The following VPS11 variants were observed in gnomAD, a reference collection of about 807,000 sequenced individuals.
The protein encoded by VPS11 is vacuolar protein sorting-associated protein 11 homolog.
VPS11 carries 51 observed loss-of-function variants against 106.8 expected under a neutral mutation model. That is an observed-to-expected ratio of 0.48 (90% CI 0.38 to 0.60). VPS11 has a LOEUF of 0.60. Ranked by LOEUF, VPS11 falls within the 20% of genes least tolerant of loss-of-function variation. The probability of loss-of-function intolerance (pLI) is 0.00; values close to 1 mark genes in which losing one functional copy is unlikely to be tolerated. For missense variants in VPS11, 950 were observed against 1,190.0 expected (o/e 0.80, Z 2.97); for synonymous variants, 453 against 458.7 (o/e 0.99, Z 0.16).
intron 1 of VPS11, 146 bp from the exon 2 acceptor site, chr11:119,069,050 G>A (rs945352127): frequency 1.3e-4 from 67 of 524,382 alleles, no homozygotes; most frequent in Non-Finnish European, 1.9e-4. Context: ...GTGAGTCACC[G>A]CGCCTGGCCT....
At chr11:119,081,428 T>C (rs782619817) in intron 15 of VPS11, 31 bp from the exon 16 acceptor site, 1 of 1,613,686 alleles carries the variant, frequency 6.2e-7, no homozygotes, top group Admixed American at 1.7e-5. Flanking sequence ...TTGATTCTGA[T>C]TCGTATTCCT....
At chr11:119,077,432 G>C in intron 8 of VPS11, 69 bp from the exon 9 acceptor site, 1 of 1,553,036 alleles carries the variant, frequency 6.4e-7, no homozygotes, top group South Asian at 1.2e-5. Flanking sequence ...CTGAAAGTCA[G>C]GTGCCTGTTT....
intron 7 of VPS11, among the ~76,000 whole-genome samples, chr11:119,076,024 G>A (rs1431649886): frequency 2.0e-5 from 3 of 149,382 alleles, no homozygotes; most frequent in Non-Finnish European, 4.4e-5. Flanking sequence ...TCAAGAGATT[G>A]AGACCATCCT....
rs2133640282 is a variant in VPS11 at position 119,068,016 on chromosome 11, C to T, written c.187+6C>T. 8 of 1,597,990 alleles carry T rather than the reference C, an allele frequency of 5.0e-6. No homozygotes were observed. Among genetic ancestry groups the T allele is most frequent in the Non-Finnish European group, 3.4e-6 (4 of 1,168,850 alleles). ...AGGGAGCCTGGTCTTTGGAGATATCCTTCGTTTGGAGCTGTCTTTTCCCTC... is the reference window on the plus strand; with the variant it reads ...AGGGAGCCTGGTCTTTGGAGATATCTTTCGTTTGGAGCTGTCTTTTCCCTC... On this transcript the variant is annotated splice_donor_region_variant and intron_variant, in intron 1 of 15. Transcript: ENST00000621676.
At position 119,073,335 on chromosome 11, in the gene VPS11, A is replaced by T. The variant is rs1212927204; in HGVS notation, c.1022A>T (p.Tyr341Phe). 6.2e-7 allele frequency: 1 copy of T among 1,613,996 alleles called. No individual in the cohort carries two copies. The highest frequency in any genetic ancestry group is 8.5e-7 in the Non-Finnish European group (1 of 1,179,900). The stretch of plus-strand genomic sequence containing the variant: ...GTGCTTGCTGAGTGGGGCTCCCTGT[A>T]CGTGCTGACGCGGGATGGGCGGGTC... Reference protein sequence around the residue: ...VDVLAEWGSLYVLTRDGRVHA... With the variant: ...VDVLAEWGSLFVLTRDGRVHA... Residue 341 changes from tyrosine to phenylalanine, a missense_variant, in exon 6 of 16, where the codon TAC (tyrosine) becomes TTC (phenylalanine). Transcript: ENST00000621676.
In VPS11 at chr11:119,070,530, G is replaced by C. The variant is rs1276282657; in HGVS notation, c.636+133G>C. On this transcript the variant is annotated intron_variant, in intron 4 of 15. Transcript: ENST00000621676. Reference sequence around the variant, plus strand: ...TCATATAATTCGAATCATTTGCCTAGCTTTGTATTTTATTTTTTTGCCTAG... The same window carrying C: ...TCATATAATTCGAATCATTTGCCTACCTTTGTATTTTATTTTTTTGCCTAG... 2.9e-6 allele frequency: 3 copies of C among 1,041,316 alleles called. No homozygotes were observed. In the East Asian group the frequency reaches 8.5e-5, roughly 29 times the overall value. 64.5% of individuals were successfully genotyped at this position (1,041,316 alleles called of 1,614,324 possible).
intron 14 of VPS11, among the ~76,000 whole-genome samples, chr11:119,080,391 G>A (rs782740260): frequency 4.7e-5 from 7 of 148,728 alleles, no homozygotes; most frequent in Admixed American, 1.3e-4. Context: ...TTTTTGAGAC[G>A]AAGTCTCGCT....
At chr11:119,069,368 A>C (rs782116866) in intron 2 of VPS11, 24 bp downstream of exon 2, 6 of 1,613,826 alleles carry the variant, frequency 3.7e-6, no homozygotes, top group Non-Finnish European at 4.2e-6. Context: ...GGGAAATGGG[A>C]AAGATCCAGA....
At chr11:119,073,549 C>A in intron 6 of VPS11, 150 bp downstream of exon 6, 2 of 1,069,684 alleles carry the variant, frequency 1.9e-6, no homozygotes, top group Non-Finnish European at 2.6e-6. Context: ...AGGTAAATGG[C>A]CTGGGATGGG....
At chr11:119,074,035 G>C in intron 7 of VPS11, 84 bp downstream of exon 7, 1 of 1,464,738 alleles carries the variant, frequency 6.8e-7, no homozygotes, top group Non-Finnish European at 9.2e-7. Flanking sequence ...GCTCCAGGTA[G>C]GGGCTAGAAT....
intron 6 of VPS11, 113 bp downstream of exon 6, chr11:119,073,512 A>T: frequency 7.6e-7 from 1 of 1,310,542 alleles, no homozygotes; most frequent in Non-Finnish European, 1.0e-6. Flanking sequence ...TCACAGCCTT[A>T]CTCAGCTTCC....
chr11:119,077,604 C>T lies in VPS11; in HGVS notation c.1529C>T (p.Ala510Val), dbSNP rs782596906. 1.1e-5 allele frequency: 17 copies of T among 1,612,470 alleles called. No individual in the cohort carries two copies. The highest frequency in any genetic ancestry group is 1.3e-5 in the Non-Finnish European group (15 of 1,179,188). Residue 510 changes from alanine to valine, a missense_variant, in exon 9 of 16, where the codon GCA (alanine) becomes GTA (valine). Ala to Val is a moderately conservative substitution (Grantham distance 64). Transcript: ENST00000621676. ...GCCCTGTATCTGGCGGAGAACCATG[C>T]ACATCATGAGTGGTACCTGAAGATC... is the stretch of plus-strand genomic sequence containing the variant. The part of the protein sequence containing the change: ...SHALYLAENH[A>V]HHEWYLKIQL...
chr11:119,079,507 C>G (rs1307145), intron 14 of VPS11, among the ~76,000 whole-genome samples: 62,747 of 152,022 alleles, frequency 0.41, 13,485 homozygotes, highest in African/African-American at 0.51. Context: ...TATTTTGTAG[C>G]AGGTACTTTT....
At position 119,081,654 on chromosome 11, in the gene VPS11, G is replaced by A; in HGVS notation, c.*31G>A. The A allele has an allele frequency of 1.9e-6, 3 of 1,610,340 alleles. No homozygotes were observed. The highest frequency in any genetic ancestry group is 2.5e-6 in the Non-Finnish European group (3 of 1,177,876). ...CTGGAGGAAGATGTGGGCAACAGTG[G>A]AGGACCAAGAGAACAGACACAATGG... On this transcript the variant is annotated 3_prime_UTR_variant, in exon 16 of 16. Coordinates refer to ENST00000621676, the MANE Select transcript of VPS11 (RefSeq NM_021729.6).
intron 1 of VPS11, among the ~76,000 whole-genome samples, chr11:119,068,702 T>C (rs1945226732): frequency 6.6e-6 from 1 of 151,242 alleles, no homozygotes; most frequent in Non-Finnish European, 1.5e-5. Context: ...CGCCTCGGCC[T>C]CCCAAAGTGC....
intron 5 of VPS11, chr11:119,072,962 T>A: frequency 1.8e-6 from 1 of 550,980 alleles, no homozygotes; most frequent in South Asian, 2.1e-5. Context: ...GATATGTTAG[T>A]GTACTTAATT....
chr11:119,073,126 ATC>A (rs1043212318), intron 5 of VPS11, 70 bp from the exon 6 acceptor site: 8 of 1,528,594 alleles, frequency 5.2e-6, no homozygotes, highest in African/African-American at 1.4e-5. Flanking sequence ...CACCAAAGTT[ATC>A]ATGGGAAAGG....
chr11:119,073,747 A>G lies in VPS11; in HGVS notation c.1087-53A>G, dbSNP rs1029770746. The G allele has an allele frequency of 1.9e-6, 3 of 1,573,584 alleles. No individual in the cohort carries two copies. In the African/African-American group the frequency reaches 4.1e-5, roughly 21 times the overall value. On this transcript the variant is annotated intron_variant, in intron 6 of 15. Coordinates refer to ENST00000621676, the MANE Select transcript of VPS11 (RefSeq NM_021729.6). Reference sequence around the variant, plus strand: ...GTGTGTTGTGCGCACATTTTGGGAAAGTGTCTTCCCAGGACCACTTCTACC... The same window carrying G: ...GTGTGTTGTGCGCACATTTTGGGAAGGTGTCTTCCCAGGACCACTTCTACC...
At chr11:119,069,102 AATTTTAGAGTTATAT>A in intron 1 of VPS11, 79 bp from the exon 2 acceptor site, 1 of 1,502,446 alleles carries the variant, frequency 6.7e-7, no homozygotes, top group Non-Finnish European at 8.9e-7. Flanking sequence ...AATCCTTGAA[AATTTTAGAGTTATAT>A]ACATGTAATT....
Sources: allele counts gnomAD v4.1 joint callset (sites outside exome capture counted in the v4.1 genomes callset), GRCh38; gene constraint gnomAD v4.1.1; transcripts MANE v1.5; gene names NCBI Gene and HGNC (gene_info 2026-07-23, HGNC 2026-07-21).